NDUFAF6: variants seen among roughly 807,000 people sequenced by gnomAD.
NDUFAF6 encodes NADH:ubiquinone oxidoreductase complex assembly factor 6, also known as NADH dehydrogenase (ubiquinone) complex I, assembly factor 6.
A neutral mutation model predicts 40.8 loss-of-function variants in NDUFAF6; 45 were observed. The observed-to-expected ratio is 1.10, with a 90% CI of 0.87 to 1.42. The LOEUF (loss-of-function observed/expected upper bound fraction) is 1.42. Ranked by LOEUF, NDUFAF6 falls within the 40% of genes most tolerant of loss-of-function variation. The pLI is 0.00. For missense variants in NDUFAF6, 435 were observed against 418.5 expected, an observed-to-expected ratio of 1.04 and a Z score of -0.34; for synonymous variants, 185 against 155.9, an observed-to-expected ratio of 1.19 and a Z score of -1.39.
intron 1 of NDUFAF6, among the ~76,000 whole-genome samples, chr8:94,899,232 T>G (rs564434994): frequency 1.3e-5 from 2 of 152,320 alleles, no homozygotes; most frequent in Admixed American, 1.3e-4. Flanking sequence ...GAGATGCAGT[T>G]TTAAAAACAA....
At chr8:94,929,705 A>G (rs1820210140) in intron 1 of NDUFAF6, 1 of 152,230 alleles carries the variant, frequency 6.6e-6, no homozygotes, top group Non-Finnish European at 1.5e-5. Flanking sequence ...TAAATACTGC[A>G]CTAATGGGTT....
At chr8:95,109,562 A>G (rs1234194146) in intron 4 of NDUFAF6, among the ~76,000 whole-genome samples, 2 of 144,238 alleles carry the variant, frequency 1.4e-5, no homozygotes, top group East Asian at 4.3e-4. Flanking sequence ...AATCATAGAT[A>G]GAGATGTAGC....
At chr8:95,086,267 A>G (rs564601779) in intron 2 of NDUFAF6, among the ~76,000 whole-genome samples, 174 of 152,368 alleles carry the variant, frequency 1.1e-3, no homozygotes, top group African/African-American at 3.8e-3. Context: ...GGATAGCGAC[A>G]GGTAATGCCA....
At chr8:94,918,578 GTTTC>G (rs1403298330) in intron 1 of NDUFAF6, among the ~76,000 whole-genome samples, 1 of 152,124 alleles carries the variant, frequency 6.6e-6, no homozygotes, top group Non-Finnish European at 1.5e-5. Context: ...GTTGTCAAAC[GTTTC>G]TTTGACAGGA....
chr8:95,032,620 A>G (rs992682013), intron 2 of NDUFAF6, among the ~76,000 whole-genome samples: 3 of 152,244 alleles, frequency 2.0e-5, no homozygotes, highest in Non-Finnish European at 4.4e-5. Context: ...ATGTACAAAT[A>G]CAAAATAAAT....
At chr8:94,950,955 T>A (rs183786922) in intron 2 of NDUFAF6, 1 of 152,348 alleles carries the variant, frequency 6.6e-6, no homozygotes, top group East Asian at 1.9e-4. Context: ...AGATCATTTT[T>A]CCAAAGATGA....
At chr8:94,922,384 T>A (rs1819563098) in intron 1 of NDUFAF6, among the ~76,000 whole-genome samples, 1 of 152,034 alleles carries the variant, frequency 6.6e-6, no homozygotes, top group Non-Finnish European at 1.5e-5. Context: ...AGGGCCTAGC[T>A]GCTCATGGCT....
chr8:94,922,242 C>T (rs908560101), intron 1 of NDUFAF6, among the ~76,000 whole-genome samples: 14 of 152,050 alleles, frequency 9.2e-5, no homozygotes, highest in Admixed American at 8.5e-4. Context: ...GATCTCCTGA[C>T]CTTGTGATCT....
At chr8:94,994,490 G>T (rs966208896) in intron 2 of NDUFAF6, among the ~76,000 whole-genome samples, 5 of 151,404 alleles carry the variant, frequency 3.3e-5, no homozygotes, top group Non-Finnish European at 5.9e-5. Context: ...GGCAGAAGTT[G>T]CAGTGAGCCG....
rs141463319 is a variant in NDUFAF6, at chr8:95,039,717, TC to T, written c.421-1851del. Among the ~76,000 whole-genome samples the T allele has an allele frequency of 3.8e-3, 579 of 152,158 alleles. 3 individuals carry two copies. Among genetic ancestry groups the T allele is most frequent in the African/African-American group, 0.013 (555 of 41,486 alleles). On this transcript the variant is annotated intron_variant, in intron 3 of 8. Transcript: ENST00000396124. ...ATCATAGCTCACTGCCACCTTGAAT[TC>T]CTGGGCTTTATCCTCCTGCGTCAGC...
At chr8:94,997,361 G>GAGAC (rs1826500149) in intron 2 of NDUFAF6, among the ~76,000 whole-genome samples, 1 of 147,762 alleles carries the variant, frequency 6.8e-6, no homozygotes, top group African/African-American at 2.6e-5. Flanking sequence ...GAGAGAGAGA[G>GAGAC]AGAGACAGAG....
chr8:94,951,339 C>T (rs1822598678), intron 2 of NDUFAF6: 1 of 152,232 alleles, frequency 6.6e-6, no homozygotes, highest in Non-Finnish European at 1.5e-5. Context: ...GCCATCCCCA[C>T]GGAGCACTGC....
intron 2 of NDUFAF6, among the ~76,000 whole-genome samples, chr8:95,006,098 C>G (rs1826965316): frequency 6.6e-6 from 1 of 152,032 alleles, no homozygotes; most frequent in Non-Finnish European, 1.5e-5. Flanking sequence ...TGGCTCACGC[C>G]TGTAATCTCA....
intron 1 of NDUFAF6, among the ~76,000 whole-genome samples, chr8:95,026,089 C>A (rs978614237): frequency 6.6e-6 from 1 of 151,970 alleles, no homozygotes. Flanking sequence ...CAAGTAAAAC[C>A]GTTTTTTTTT....
At chr8:94,922,168 C>T (rs1452368507) in intron 1 of NDUFAF6, among the ~76,000 whole-genome samples, 4 of 151,898 alleles carry the variant, frequency 2.6e-5, no homozygotes, top group East Asian at 3.9e-4. Flanking sequence ...CCACCACGCC[C>T]GGCTAATTTT....
At chr8:95,008,746 T>C (rs3019173) in intron 2 of NDUFAF6, among the ~76,000 whole-genome samples, 65,582 of 151,968 alleles carry the variant, frequency 0.43, 14,566 homozygotes, top group East Asian at 0.69. Context: ...TGACCTCAGG[T>C]GATCTGCCCC....
chr8:95,032,833 G>A (rs993902589), intron 2 of NDUFAF6, among the ~76,000 whole-genome samples: 1 of 152,118 alleles, frequency 6.6e-6, no homozygotes, highest in Admixed American at 6.5e-5. Flanking sequence ...ATATGGCACC[G>A]AGGCACAACT....
intron 3 of NDUFAF6, among the ~76,000 whole-genome samples, chr8:95,037,795 A>G (rs529400708): frequency 6.6e-5 from 10 of 152,204 alleles, no homozygotes; most frequent in Admixed American, 1.3e-4. Context: ...GTGAAAATAT[A>G]TTATGCTTAA....
chr8:95,016,013 C>G (rs1393140789), intron 2 of NDUFAF6, among the ~76,000 whole-genome samples: 1 of 152,120 alleles, frequency 6.6e-6, no homozygotes, highest in African/African-American at 2.4e-5. Flanking sequence ...CACTGTTATC[C>G]CGGATGCTTA....
Sources: allele counts gnomAD v4.1 joint callset (sites outside exome capture counted in the v4.1 genomes callset), GRCh38; gene constraint gnomAD v4.1.1; transcripts MANE v1.5; gene names NCBI Gene and HGNC (gene_info 2026-07-23, HGNC 2026-07-21).